The following FBXL17 variants were observed in gnomAD, a reference collection of about 807,000 sequenced individuals.
The protein encoded by FBXL17 is F-box and leucine rich repeat protein 17.
In FBXL17, 22 loss-of-function variants were observed where a neutral mutation model predicts 66.2. That is an observed-to-expected ratio of 0.33 (90% CI 0.24 to 0.47). The LOEUF is 0.47. FBXL17 is among the 20% of genes least tolerant of loss of function. The probability of loss-of-function intolerance (pLI) is 1.00; values close to 1 mark genes in which losing one functional copy is unlikely to be tolerated. For missense variants in FBXL17, 878 were observed against 948.2 expected, an observed-to-expected ratio of 0.93 and a Z score of 0.97; for synonymous variants, 474 against 400.5, an observed-to-expected ratio of 1.18 and a Z score of -2.19.
At chr5:108,024,583 G>T (rs1754721123) in intron 6 of FBXL17, among the ~76,000 whole-genome samples, 1 of 151,880 alleles carries the variant, frequency 6.6e-6, no homozygotes, top group African/African-American at 2.4e-5. Context: ...TTTTGGCAGG[G>T]GTCTGAAGAG....
intron 7 of FBXL17, among the ~76,000 whole-genome samples, chr5:108,014,511 T>A (rs1680822161): frequency 6.6e-6 from 1 of 152,164 alleles, no homozygotes; most frequent in Non-Finnish European, 1.5e-5. Context: ...AAGAAGTCCC[T>A]CTCAATAGAT....
intron 4 of FBXL17, among the ~76,000 whole-genome samples, chr5:108,336,541 T>C (rs1760389979): frequency 6.6e-6 from 1 of 152,204 alleles, no homozygotes. Flanking sequence ...ATATCTTCAA[T>C]GAGATGTACA....
intron 6 of FBXL17, among the ~76,000 whole-genome samples, chr5:108,160,806 C>T (rs1187333750): frequency 2.6e-5 from 4 of 152,180 alleles, no homozygotes; most frequent in African/African-American, 9.6e-5. Flanking sequence ...GGTCCATGCA[C>T]ATGCACCTTT....
chr5:108,364,602 TATTC>T (rs1748544416), intron 3 of FBXL17, 132 bp downstream of exon 3: 1 of 670,652 alleles, frequency 1.5e-6, no homozygotes, highest in Non-Finnish European at 2.5e-6. Flanking sequence ...TCTAAACAAA[TATTC>T]ATTAATAGGT....
chr5:108,310,044 T>C (rs562382674), intron 4 of FBXL17, among the ~76,000 whole-genome samples: 14 of 152,130 alleles, frequency 9.2e-5, no homozygotes, highest in Non-Finnish European at 1.8e-4. Flanking sequence ...ATAAGTTAAA[T>C]ATTTAAGGTT....
chr5:107,946,272 T>A (rs1751280897), intron 7 of FBXL17, among the ~76,000 whole-genome samples: 1 of 44,622 alleles, frequency 2.2e-5, no homozygotes, highest in South Asian at 9.7e-4. Context: ...TATATATATA[T>A]ATATATATAT....
At chr5:108,329,211 A>G (rs544512165) in intron 4 of FBXL17, among the ~76,000 whole-genome samples, 1 of 152,312 alleles carries the variant, frequency 6.6e-6, no homozygotes, top group East Asian at 1.9e-4. Flanking sequence ...ATAAAAATTA[A>G]GGAAAAAGGA....
At chr5:107,960,818 T>C (rs1751872083) in intron 7 of FBXL17, among the ~76,000 whole-genome samples, 1 of 152,216 alleles carries the variant, frequency 6.6e-6, no homozygotes, top group Admixed American at 6.5e-5. Context: ...TTTTCCTTCA[T>C]GCCAGGTACT....
intron 3 of FBXL17, among the ~76,000 whole-genome samples, chr5:108,361,007 T>C (rs1472576110): frequency 2.0e-5 from 3 of 152,070 alleles, no homozygotes; most frequent in South Asian, 2.1e-4. Flanking sequence ...TCTTTGGCCA[T>C]GGTTTCCTTT....
chr5:108,290,029 A>T (rs2150160590), intron 4 of FBXL17, among the ~76,000 whole-genome samples: 1 of 152,310 alleles, frequency 6.6e-6, no homozygotes, highest in East Asian at 1.9e-4. Context: ...AGAGAAACCA[A>T]GGGATATTTT....
rs534608827 is a variant in FBXL17 at position 108,175,144 on chromosome 5, T to C, written c.1745+10973A>G. Among the ~76,000 whole-genome samples the C allele has an allele frequency of 2.0e-5, 3 of 152,266 alleles. No individual in the cohort carries two copies. In the East Asian group the frequency reaches 5.8e-4, roughly 29 times the overall value. On this transcript the variant is annotated intron_variant, in intron 6 of 8. Transcript: ENST00000542267. The stretch of plus-strand genomic sequence containing the variant: ...AAAATTTATTCATCATACAAAAGCA[T>C]GATCTATAATTCTCCCAACACGAAT...
chr5:108,044,936 A>G (rs1306808408), intron 6 of FBXL17, among the ~76,000 whole-genome samples: 1 of 151,992 alleles, frequency 6.6e-6, no homozygotes, highest in Admixed American at 6.6e-5. Flanking sequence ...AGAATTGTTT[A>G]TTGTATTTCT....
intron 6 of FBXL17, among the ~76,000 whole-genome samples, chr5:108,064,850 G>T (rs1034463946): frequency 1.3e-5 from 2 of 152,018 alleles, no homozygotes; most frequent in Admixed American, 1.3e-4. Flanking sequence ...TCCAGCAGAG[G>T]ATCTCATCTG....
chr5:107,864,840 C>G (rs1748226960), intron 8 of FBXL17, among the ~76,000 whole-genome samples: 1 of 152,202 alleles, frequency 6.6e-6, no homozygotes, highest in Non-Finnish European at 1.5e-5. Flanking sequence ...ATGAATTACC[C>G]AGTTTCAGCT....
intron 4 of FBXL17, among the ~76,000 whole-genome samples, chr5:108,248,267 G>A (rs1756193214): frequency 6.6e-6 from 1 of 152,020 alleles, no homozygotes; most frequent in African/African-American, 2.4e-5. Flanking sequence ...ATATAAAGAA[G>A]AACCACATGG....
intron 6 of FBXL17, among the ~76,000 whole-genome samples, chr5:108,038,550 T>C (rs1013445482): frequency 6.6e-6 from 1 of 152,100 alleles, no homozygotes; most frequent in Non-Finnish European, 1.5e-5. Flanking sequence ...AAATTCATTA[T>C]CTTGTGGATT....
chr5:108,332,056 T>C (rs1368920236), intron 4 of FBXL17, among the ~76,000 whole-genome samples: 1 of 152,084 alleles, frequency 6.6e-6, no homozygotes, highest in African/African-American at 2.4e-5. Flanking sequence ...AACTAAATAA[T>C]GTACTGATCA....
At chr5:108,117,102 T>C (rs529582269) in intron 6 of FBXL17, among the ~76,000 whole-genome samples, 7 of 152,334 alleles carry the variant, frequency 4.6e-5, no homozygotes, top group African/African-American at 1.7e-4. Flanking sequence ...AATCTTGACA[T>C]TTTAATTTTA....
chr5:108,184,975 A>C (rs949448077), intron 6 of FBXL17, among the ~76,000 whole-genome samples: 1 of 152,144 alleles, frequency 6.6e-6, no homozygotes, highest in African/African-American at 2.4e-5. Flanking sequence ...ATATTTACAA[A>C]TCTACCTAAT....
Sources: allele counts gnomAD v4.1 joint callset (sites outside exome capture counted in the v4.1 genomes callset), GRCh38; gene constraint gnomAD v4.1.1; transcripts MANE v1.5; gene names NCBI Gene and HGNC (gene_info 2026-07-23, HGNC 2026-07-21).